The following SLC24A2 variants were observed in gnomAD, a reference collection of about 807,000 sequenced individuals.
The protein encoded by SLC24A2 is solute carrier family 24 member 2, also known as sodium/potassium/calcium exchanger 2.
A neutral mutation model predicts 62.0 loss-of-function variants in SLC24A2; 36 were observed. The observed-to-expected ratio is 0.58, with a 90% CI of 0.44 to 0.77. The LOEUF is 0.77. Among genes scored for constraint, SLC24A2 ranks in the 30% least tolerant of loss-of-function variants. The pLI is 0.00. For synonymous variants in SLC24A2, 358 were observed against 294.0 expected, an observed-to-expected ratio of 1.22 and a Z score of -2.23; for missense variants, 846 against 817.9, an observed-to-expected ratio of 1.03 and a Z score of -0.42.
the SLC24A2 span, among the ~76,000 whole-genome samples, chr9:20,012,760 A>G: frequency 6.6e-6 from 1 of 152,320 alleles, no homozygotes; most frequent in African/African-American, 2.4e-5. Flanking sequence ...GGAAAGAAAC[A>G]ATAAATCATA....
chr9:19,761,433 T>C (rs1450999411), intron 2 of SLC24A2, among the ~76,000 whole-genome samples: 7 of 152,212 alleles, frequency 4.6e-5, no homozygotes, highest in African/African-American at 1.7e-4. Context: ...TTTTTTCATA[T>C]GTTTGTTGGT....
At chr9:19,619,475 G>A (rs994699844) in intron 4 of SLC24A2, 109 bp downstream of exon 4, 7 of 871,890 alleles carry the variant, frequency 8.0e-6, no homozygotes, top group Admixed American at 1.7e-5. Context: ...CTAAACAAGA[G>A]GAGGCTGGCA....
intron 2 of SLC24A2, among the ~76,000 whole-genome samples, chr9:19,651,708 C>T (rs1018458409): frequency 6.6e-6 from 1 of 152,128 alleles, no homozygotes; most frequent in Non-Finnish European, 1.5e-5. Flanking sequence ...ATAACCAATG[C>T]CTTTATTTTG....
the SLC24A2 span, among the ~76,000 whole-genome samples, chr9:20,176,900 T>C: frequency 2.4e-5 from 2 of 84,470 alleles, no homozygotes; most frequent in East Asian, 2.3e-4. Flanking sequence ...CTAACAGTTA[T>C]CTAAAGTGTG....
chr9:20,163,278 CAA>C, the SLC24A2 span, among the ~76,000 whole-genome samples: 1 of 152,104 alleles, frequency 6.6e-6, no homozygotes, highest in Non-Finnish European at 1.5e-5. Flanking sequence ...GCAACTTCAG[CAA>C]AGTCTCAGGA....
At chr9:20,094,283 T>A in the SLC24A2 span, among the ~76,000 whole-genome samples, 5 of 152,154 alleles carry the variant, frequency 3.3e-5, no homozygotes, top group African/African-American at 1.2e-4. Context: ...AGTAACCACA[T>A]TTTTCTGGAA....
chr9:19,764,765 G>T (rs1822459487), intron 2 of SLC24A2, among the ~76,000 whole-genome samples: 2 of 152,182 alleles, frequency 1.3e-5, no homozygotes, highest in South Asian at 4.1e-4. Context: ...AGAGAAGAAT[G>T]TGTATTCTGT....
At chr9:19,566,733 G>A (rs1835667140) in intron 7 of SLC24A2, among the ~76,000 whole-genome samples, 1 of 152,156 alleles carries the variant, frequency 6.6e-6, no homozygotes, top group South Asian at 2.1e-4. Flanking sequence ...ACAATAGACT[G>A]GATTAAGAAA....
At chr9:20,218,270 G>A in the SLC24A2 span, among the ~76,000 whole-genome samples, 10,019 of 152,230 alleles carry the variant, frequency 0.066, 443 homozygotes, top group Middle Eastern at 0.12. Context: ...CCTCACATTT[G>A]TCTATCCAGT....
intron 2 of SLC24A2, among the ~76,000 whole-genome samples, chr9:19,719,640 GAA>G (rs1401569020): frequency 6.6e-6 from 1 of 152,168 alleles, no homozygotes; most frequent in Non-Finnish European, 1.5e-5. Context: ...GGAATTTATG[GAA>G]AGTTTCATTT....
the SLC24A2 span, among the ~76,000 whole-genome samples, chr9:20,261,733 C>CTATTTT: frequency 1.3e-5 from 1 of 75,292 alleles, no homozygotes; most frequent in African/African-American, 5.4e-5. Context: ...AACACCAAAT[C>CTATTTT]TTTTTTTTTT....
At chr9:20,022,196 G>C in the SLC24A2 span, among the ~76,000 whole-genome samples, 2 of 152,050 alleles carry the variant, frequency 1.3e-5, no homozygotes, top group African/African-American at 4.8e-5. Context: ...AATGCATCTT[G>C]TATCTTTTAA....
At chr9:19,993,196 C>G in the SLC24A2 span, among the ~76,000 whole-genome samples, 1 of 152,182 alleles carries the variant, frequency 6.6e-6, no homozygotes, top group Non-Finnish European at 1.5e-5. Flanking sequence ...TCTTTCCATC[C>G]ACAGGGCATC....
chr9:19,840,446 T>G, the SLC24A2 span, among the ~76,000 whole-genome samples: 1 of 152,124 alleles, frequency 6.6e-6, no homozygotes, highest in Non-Finnish European at 1.5e-5. Flanking sequence ...CTTCCCAATT[T>G]CCCTATTCAG....
chr9:20,231,317 T>C, the SLC24A2 span, among the ~76,000 whole-genome samples: 32 of 152,240 alleles, frequency 2.1e-4, no homozygotes, highest in East Asian at 1.4e-3. Flanking sequence ...CTATAAATTA[T>C]CTTGGGCAGT....
At chr9:20,026,568 T>A in the SLC24A2 span, among the ~76,000 whole-genome samples, 1 of 151,988 alleles carries the variant, frequency 6.6e-6, no homozygotes, top group Admixed American at 6.6e-5. Flanking sequence ...GAACACACAA[T>A]AGGGACAGGA....
At chr9:19,536,986 T>G (rs2132693376) in intron 8 of SLC24A2, among the ~76,000 whole-genome samples, 1 of 140,510 alleles carries the variant, frequency 7.1e-6, no homozygotes, top group East Asian at 2.2e-4. Flanking sequence ...GTTTTTTGGC[T>G]GCATAAATGT....
the SLC24A2 span, among the ~76,000 whole-genome samples, chr9:19,814,563 G>T: frequency 2.0e-5 from 3 of 152,124 alleles, no homozygotes; most frequent in African/African-American, 7.2e-5. Context: ...CCTCAGAAAT[G>T]AATCTTCCAG....
the SLC24A2 span, among the ~76,000 whole-genome samples, chr9:20,063,651 AAT>A: frequency 2.0e-5 from 3 of 152,202 alleles, no homozygotes; most frequent in African/African-American, 7.2e-5. Flanking sequence ...ATAATAAAAA[AAT>A]AAAAATAAAA....
Sources: allele counts gnomAD v4.1 joint callset (sites outside exome capture counted in the v4.1 genomes callset), GRCh38; gene constraint gnomAD v4.1.1; transcripts MANE v1.5; gene names NCBI Gene and HGNC (gene_info 2026-07-23, HGNC 2026-07-21).